Variants in EPHA10 observed in about 807,000 individuals in gnomAD.
EPHA10 encodes EPH receptor A10, also known as ephrin type-A receptor 10.
A neutral mutation model predicts 109.7 loss-of-function variants in EPHA10; 120 were observed. That is an observed-to-expected ratio of 1.09 (90% CI 0.94 to 1.27). EPHA10 has a LOEUF of 1.27. Among genes scored for constraint, EPHA10 ranks in the 50% most tolerant of loss-of-function variants. EPHA10 has a pLI of 0.00. For missense variants in EPHA10, 1,396 were observed against 1,411.1 expected (o/e 0.99, Z 0.17); for synonymous variants, 640 against 618.9 (o/e 1.03, Z -0.51).
chr1:37,715,745 C>T (rs1645680737), downstream of EPHA10: 1 of 380,118 alleles, frequency 2.6e-6, no homozygotes, highest in Non-Finnish European at 5.1e-6. Context: ...GACTGGGTAA[C>T]AGACTTCTCT....
At chr1:37,745,501 T>G (rs1321289494) in intron 5 of EPHA10, among the ~76,000 whole-genome samples, 1 of 152,188 alleles carries the variant, frequency 6.6e-6, no homozygotes, top group Non-Finnish European at 1.5e-5. Flanking sequence ...AGTTATTATA[T>G]GTATTAGTCA....
rs1041711170 is a variant in EPHA10, at chr1:37,761,279, C to T, written c.850+126G>A. On this transcript the variant is annotated intron_variant, in intron 3 of 16. Transcript: ENST00000373048. ...AAGACTTCAGGGCTCTCCTTGGGCT[C>T]CAGAGTCCAAGGCTTCTCCACCGCC... 50 of 1,520,552 alleles carry T rather than the reference C, an allele frequency of 3.3e-5. 1 individual carries two copies. The highest frequency in any genetic ancestry group is 4.1e-5 in the Admixed American group (2 of 48,452). The allele number at this position is 1,520,552 out of a possible 1,614,324, so 94.2% of individuals were successfully genotyped here. A position where few individuals can be genotyped will look rare whatever the true frequency, so the allele number is the denominator to read the frequency against.
In EPHA10 at chr1:37,734,290, T is replaced by C. The variant is rs145303080; in HGVS notation, c.1491+967A>G. On this transcript the variant is annotated intron_variant, in intron 6 of 16. Transcript: ENST00000373048. Reference sequence around the variant, plus strand: ...GGCTCACACCAGTAATCCCAGCACTTTGGGAGGCTAAGGCGGGTGGATCAC... The same window carrying C: ...GGCTCACACCAGTAATCCCAGCACTCTGGGAGGCTAAGGCGGGTGGATCAC... Among the ~76,000 whole-genome samples, 6 of 152,206 alleles carry C rather than the reference T, an allele frequency of 3.9e-5. 1 individual carries two copies. The East Asian group carries it at 1.2e-3, about 29-fold the overall frequency.
intron 3 of EPHA10, chr1:37,761,088 T>TAA (rs375615094): frequency 0.2 from 188,020 of 933,298 alleles, 9,213 homozygotes; most frequent in Admixed American, 0.24. Context: ...ACTCCTTATT[T>TAA]TAAAAAAAAA....
In EPHA10 at chr1:37,717,371, G is replaced by T; in HGVS notation, c.*1001C>A. ...GGTGGTGCCATAGGGCAGGACCAAG[G>T]ACTCTCTCCCCAGAGCCAGCCTTAC... On this transcript the variant is annotated 3_prime_UTR_variant, in exon 17 of 17. Coordinates refer to ENST00000373048, the MANE Select transcript of EPHA10 (RefSeq NM_001099439.2). 4.3e-6 allele frequency: 1 copy of T among 232,586 alleles called. No homozygotes were observed. Among genetic ancestry groups the T allele is most frequent in the Non-Finnish European group, 8.5e-6 (1 of 117,710 alleles). 14.4% of individuals were successfully genotyped at this position (232,586 alleles called of 1,614,324 possible).
intron 5 of EPHA10, among the ~76,000 whole-genome samples, chr1:37,752,135 A>G (rs992269929): frequency 2.6e-5 from 4 of 152,180 alleles, no homozygotes; most frequent in South Asian, 2.1e-4. Context: ...TTTCTTGCAA[A>G]GAATACAAGC....
chr1:37,724,780 G>A (rs184184675), intron 8 of EPHA10, among the ~76,000 whole-genome samples: 17 of 152,314 alleles, frequency 1.1e-4, no homozygotes, highest in Non-Finnish European at 2.1e-4. Flanking sequence ...GCCTGGGCTC[G>A]GAACCTGACT....
chr1:37,720,287 G>C (rs2148306554), intron 13 of EPHA10, 64 bp downstream of exon 13: 1 of 1,513,770 alleles, frequency 6.6e-7, no homozygotes, highest in East Asian at 2.4e-5. Flanking sequence ...GGGGAGTTAA[G>C]GGCTCCAGGG....
chr1:37,719,188 T>C (rs998287229), intron 15 of EPHA10: 15 of 605,198 alleles, frequency 2.5e-5, no homozygotes, highest in Non-Finnish European at 4.1e-5. Context: ...TCAAAGGTCA[T>C]TGTACCCGGG....
In EPHA10 at chr1:37,721,832, C is replaced by T; in HGVS notation, c.1974G>A (p.Glu658=). The change falls in exon 11 of 17, where the codon GAG becomes GAA. Residue 658 remains glutamate, a synonymous_variant. Coordinates refer to ENST00000373048, the MANE Select transcript of EPHA10 (RefSeq NM_001099439.2). ...GGAGCTGCAAGCAGCCACAGCACAG[C>T]TCCCCAAACCGCCCTGTGGGGAAAC... ...ERSLGGGRFG[E]LCCGCLQLPG... is the part of the protein sequence containing the mutation. 1 of 1,598,722 alleles carries T rather than the reference C, an allele frequency of 6.3e-7. No homozygotes were observed. The highest frequency in any genetic ancestry group is 8.5e-7 in the Non-Finnish European group (1 of 1,171,450).
Position 37,720,849 on chromosome 1 carries a change from GC to G in EPHA10, c.2147-6del. 1 of 1,614,010 alleles carries G rather than the reference GC, an allele frequency of 6.2e-7. No individual in the cohort carries two copies. The highest frequency in any genetic ancestry group is 1.3e-5 in the African/African-American group (1 of 75,016). The stretch of plus-strand genomic sequence containing the variant: ...TGACAATCATCAAGGTGCTTCCTGT[GC>G]CCAGGGATGGGAACACACATGCTAA... On this transcript the variant is annotated splice_polypyrimidine_tract_variant and splice_region_variant and intron_variant, in intron 11 of 16. Transcript: ENST00000373048.
At chr1:37,720,896 C>G (rs763827262) in intron 11 of EPHA10, 52 bp from the exon 12 acceptor site, 2 of 1,583,524 alleles carry the variant, frequency 1.3e-6, no homozygotes, top group South Asian at 1.1e-5. Context: ...CCACTCCGCA[C>G]GCACACAAGT....
downstream of EPHA10, chr1:37,714,678 A>G (rs943044452): frequency 1.3e-5 from 2 of 152,252 alleles, no homozygotes; most frequent in East Asian, 1.9e-4. Flanking sequence ...GTGGGCTGGT[A>G]TGGACCGGTT....
chr1:37,729,381 T>C (rs564991253), intron 7 of EPHA10, among the ~76,000 whole-genome samples: 2 of 152,298 alleles, frequency 1.3e-5, no homozygotes, highest in African/African-American at 4.8e-5. Context: ...ACTCATTACA[T>C]AGCAATAGGT....
At chr1:37,760,499 C>T in intron 3 of EPHA10, 1 of 1,015,302 alleles carries the variant, frequency 9.8e-7, no homozygotes, top group Middle Eastern at 4.4e-4. Context: ...TCATCTAGTG[C>T]AACTTCCCAA....
rs1212125262 is a variant in EPHA10, at chr1:37,753,063, CT to C, written c.1169del (p.Glu390GlyfsTer118). 1 of 1,272,934 alleles carries C rather than the reference CT, an allele frequency of 7.9e-7. No individual in the cohort carries two copies. The highest frequency in any genetic ancestry group is 9.9e-7 in the Non-Finnish European group (1 of 1,011,168). 78.9% of individuals were successfully genotyped at this position (1,272,934 alleles called of 1,614,324 possible). ...GGAAGGCCACGCGCGGCCCGCACGGCTCGCAGGCGCCCGCCGGGCCCTCGCG... is the reference window on the plus strand; with the variant it reads ...GGAAGGCCACGCGCGGCCCGCACGGCCGCAGGCGCCCGCCGGGCCCTCGCG... ...CGREGPAGAC[E>X]PCGPRVAFLP... On this transcript the variant is annotated frameshift_variant, in exon 5 of 17. Transcript: ENST00000373048. LOFTEE classifies it high-confidence loss of function.
intron 5 of EPHA10, among the ~76,000 whole-genome samples, chr1:37,745,600 G>C (rs1415603810): frequency 6.6e-6 from 1 of 152,180 alleles, no homozygotes; most frequent in African/African-American, 2.4e-5. Flanking sequence ...TGTAATCTCA[G>C]CATTTTGGGT....
intron 6 of EPHA10, 147 bp from the exon 7 acceptor site, chr1:37,731,729 T>C (rs12074120): frequency 1.3e-6 from 1 of 771,506 alleles, no homozygotes; most frequent in East Asian, 3.0e-5. Flanking sequence ...CATCTTGGGG[T>C]TTCCCAGGGA....
intron 8 of EPHA10, among the ~76,000 whole-genome samples, chr1:37,726,516 T>G (rs1020564568): frequency 2.0e-5 from 3 of 152,176 alleles, no homozygotes; most frequent in African/African-American, 7.2e-5. Flanking sequence ...AAGGGGAGGA[T>G]ACATGGCAGA....
Sources: allele counts gnomAD v4.1 joint callset (sites outside exome capture counted in the v4.1 genomes callset), GRCh38; gene constraint gnomAD v4.1.1; transcripts MANE v1.5; gene names NCBI Gene and HGNC (gene_info 2026-07-23, HGNC 2026-07-21).